The following SLCO1A2 variants were observed in gnomAD, a reference collection of about 807,000 sequenced individuals.
SLCO1A2 encodes solute carrier organic anion transporter family member 1A2.
In SLCO1A2, 67 loss-of-function variants were observed where a neutral mutation model predicts 69.0. The ratio of observed to expected loss-of-function variants is 0.97; its 90% CI spans 0.80 to 1.19. The LOEUF (loss-of-function observed/expected upper bound fraction) is 1.19, where lower values mean the gene tolerates loss of function less well. Among genes scored for constraint, SLCO1A2 ranks in the 50% most tolerant of loss-of-function variants. The pLI is 0.00. For synonymous variants in SLCO1A2, 260 were observed against 265.9 expected, an observed-to-expected ratio of 0.98 and a Z score of 0.22; for missense variants, 787 against 793.7, an observed-to-expected ratio of 0.99 and a Z score of 0.10.
intron 2 of SLCO1A2, among the ~76,000 whole-genome samples, chr12:21,322,058 A>T (rs184635631): frequency 3.0e-4 from 46 of 152,344 alleles, no homozygotes; most frequent in African/African-American, 1.1e-3. Context: ...AGTATCAAAA[A>T]CATCTTGAAG....
intron 2 of SLCO1A2, among the ~76,000 whole-genome samples, chr12:21,321,604 C>T (rs1951638014): frequency 6.6e-6 from 1 of 152,226 alleles, no homozygotes; most frequent in Non-Finnish European, 1.5e-5. Flanking sequence ...TCTCCTGTTG[C>T]TTGTCCTTAG....
At position 21,292,229 on chromosome 12, in the gene SLCO1A2, G is replaced by A; in HGVS notation, c.1545C>T (p.Ile515=). 6.2e-7 allele frequency: 1 copy of A among 1,613,056 alleles called. No individual in the cohort carries two copies. The highest frequency in any genetic ancestry group is 8.5e-7 in the Non-Finnish European group (1 of 1,179,344). Residue 515 remains isoleucine (I), a synonymous_variant, in exon 12 of 15, where the codon ATC becomes ATT. Transcript: ENST00000683939. ...AAATGAAACTGCTCATCGCTGACAA[G>A]ATTAGGAAGTACTGGAGCATCAAGG... ...DCSLMLQYFL[I]LSAMSSFIYS... is the part of the protein sequence containing the mutation.
rs10636619 is a variant in SLCO1A2, at chr12:21,289,184, C to CTGTGTGTGTGTGTGTG, written c.1610+2964_1610+2979dup. Among the ~76,000 whole-genome samples, 8 of 136,986 alleles carry CTGTGTGTGTGTGTGTG rather than the reference C, an allele frequency of 5.8e-5. No individual in the cohort carries two copies. The South Asian group carries it at 1.8e-3, about 30-fold the overall frequency. The allele number at this position is 136,986 out of a possible 152,430, so 89.9% of individuals were successfully genotyped here. A position where few individuals can be genotyped will look rare whatever the true frequency, so the allele number is the denominator to read the frequency against. On this transcript the variant is annotated intron_variant, in intron 12 of 14. Transcript: ENST00000683939. ...CATTTGTGATGGTAATGGTACCATT[C>CTGTGTGTGTGTGTGTG]TGTGTGTGTGTGTGTGTGTGTGTGT...
rs1942228025 is a variant in SLCO1A2, at chr12:21,267,712, T to A, written c.*1836A>T. The stretch of plus-strand genomic sequence containing the variant: ...CATCGCACACTCAGCAAAATCTGAT[T>A]CCCCTGAAACCTTCTCATGCAGTGG... On this transcript the variant is annotated 3_prime_UTR_variant, in exon 15 of 15. Coordinates refer to ENST00000683939, the MANE Select transcript of SLCO1A2 (RefSeq NM_001386879.1). 1 of 152,180 alleles carries A rather than the reference T, an allele frequency of 6.6e-6. No individual in the cohort carries two copies. Among genetic ancestry groups the A allele is most frequent in the South Asian group, 2.1e-4 (1 of 4,832 alleles). 9.4% of individuals were successfully genotyped at this position (152,180 alleles called of 1,614,324 possible).
At chr12:21,416,785 T>C (rs141282930) in intron 1 of SLCO1A2, among the ~76,000 whole-genome samples, 193 of 152,092 alleles carry the variant, frequency 1.3e-3, no homozygotes, top group Non-Finnish European at 2.4e-3. Context: ...AGAAAAAAAA[T>C]ACATCATTGA....
chr12:21,415,701 T>C (rs1941978014), intron 1 of SLCO1A2, among the ~76,000 whole-genome samples: 1 of 152,124 alleles, frequency 6.6e-6, no homozygotes, highest in South Asian at 2.1e-4. Context: ...GAAGTTTTTA[T>C]ATTTTTTCTT....
At chr12:21,277,354 C>T (rs964625737) in intron 12 of SLCO1A2, among the ~76,000 whole-genome samples, 2 of 152,078 alleles carry the variant, frequency 1.3e-5, no homozygotes, top group Admixed American at 6.6e-5. Context: ...ACATCACATG[C>T]TGGCTAAAGA....
chr12:21,343,388 T>C (rs1277074603), intron 2 of SLCO1A2, among the ~76,000 whole-genome samples: 1 of 152,108 alleles, frequency 6.6e-6, no homozygotes, highest in East Asian at 1.9e-4. Context: ...TCAATAAATG[T>C]TTGTTCTTAT....
chr12:21,363,401 T>C (rs1939095461), intron 2 of SLCO1A2, among the ~76,000 whole-genome samples: 1 of 152,272 alleles, frequency 6.6e-6, no homozygotes, highest in Admixed American at 6.5e-5. Context: ...AAGCTGTATG[T>C]AGAGGGAAAT....
intron 12 of SLCO1A2, among the ~76,000 whole-genome samples, chr12:21,287,891 T>C (rs1189733666): frequency 1.8e-5 from 2 of 113,500 alleles, no homozygotes; most frequent in Non-Finnish European, 3.6e-5. Context: ...GGGATAGCAT[T>C]GGGAGATATA....
chr12:21,355,076 CAACTT>C (rs1445783020), intron 2 of SLCO1A2: 1 of 152,086 alleles, frequency 6.6e-6, no homozygotes, highest in Non-Finnish European at 1.5e-5. Context: ...ATAAAAAAAT[CAACTT>C]AACACAAAGA....
chr12:21,382,793 C>CAAA (rs3060709), intron 1 of SLCO1A2, among the ~76,000 whole-genome samples: 6,515 of 75,060 alleles, frequency 0.087, 238 homozygotes, highest in Non-Finnish European at 0.13. Context: ...AACTCCGTCT[C>CAAA]AAAAAAAAAA....
In SLCO1A2 at chr12:21,334,633, C is replaced by T; in HGVS notation, c.15G>A (p.Glu5=). MGET[E]KRIETHRIRC... ...TTATTCTATGGGTTTCAATTCTTTT[C>T]TCAGTTTCTCCCATGTTGCTCTTCA... Residue 5 remains glutamate, a synonymous_variant, in exon 2 of 15, where the codon GAG becomes GAA. Coordinates refer to ENST00000683939, the MANE Select transcript of SLCO1A2 (RefSeq NM_001386879.1). The T allele has an allele frequency of 6.2e-7, 1 of 1,610,108 alleles. No homozygotes were observed. Among genetic ancestry groups the T allele is most frequent in the Non-Finnish European group, 8.5e-7 (1 of 1,177,792 alleles).
chr12:21,312,913 A>C (rs1297156688), intron 4 of SLCO1A2, among the ~76,000 whole-genome samples: 2 of 152,002 alleles, frequency 1.3e-5, no homozygotes, highest in Non-Finnish European at 2.9e-5. Context: ...GTCTCTACCA[A>C]AAAAATATAT....
intron 12 of SLCO1A2, among the ~76,000 whole-genome samples, chr12:21,290,542 A>C (rs1471071534): frequency 1.3e-5 from 2 of 152,198 alleles, no homozygotes; most frequent in Non-Finnish European, 2.9e-5. Context: ...GGCACCACAA[A>C]TCAAAGGAAA....
intron 2 of SLCO1A2, among the ~76,000 whole-genome samples, chr12:21,362,909 C>T (rs1939042821): frequency 6.6e-6 from 1 of 152,100 alleles, no homozygotes; most frequent in Admixed American, 6.6e-5. Flanking sequence ...TCATTAGAGA[C>T]CTACAAAGAG....
At chr12:21,300,654 G>A (rs369745007) in intron 7 of SLCO1A2, 85 bp from the exon 8 acceptor site, 20 of 1,089,954 alleles carry the variant, frequency 1.8e-5, no homozygotes, top group Non-Finnish European at 2.2e-5. Context: ...TAGAATTATC[G>A]GGTCCCAACC....
chr12:21,387,672 C>T (rs943617044), intron 1 of SLCO1A2, among the ~76,000 whole-genome samples: 2 of 152,198 alleles, frequency 1.3e-5, no homozygotes, highest in African/African-American at 4.8e-5. Context: ...CCTCATGGAC[C>T]CCTGCTAGCG....
At chr12:21,323,225 C>G (rs1026058034) in intron 2 of SLCO1A2, among the ~76,000 whole-genome samples, 14 of 152,126 alleles carry the variant, frequency 9.2e-5, no homozygotes, top group Admixed American at 2.0e-4. Context: ...TAGCAATTAG[C>G]TACACAAAAC....
Sources: allele counts gnomAD v4.1 joint callset (sites outside exome capture counted in the v4.1 genomes callset), GRCh38; gene constraint gnomAD v4.1.1; transcripts MANE v1.5; gene names NCBI Gene and HGNC (gene_info 2026-07-23, HGNC 2026-07-21).